Variants in EIF3CL observed in about 807,000 individuals in gnomAD.
The protein encoded by EIF3CL is eukaryotic translation initiation factor 3 subunit C like, also known as eukaryotic translation initiation factor 3 subunit C-like protein.
For missense variants in EIF3CL, 5 were observed against 56.1 expected, an observed-to-expected ratio of 0.09 and a Z score of 2.91; for synonymous variants, 2 against 19.6, an observed-to-expected ratio of 0.10 and a Z score of 2.37.
the EIF3CL span, among the ~76,000 whole-genome samples, chr16:28,419,286 G>A: frequency 6.6e-6 from 1 of 150,850 alleles, no homozygotes; most frequent in African/African-American, 2.5e-5. Flanking sequence ...GATTACAGGT[G>A]TAAGCCAGTG....
chr16:28,417,144 G>T, the EIF3CL span, among the ~76,000 whole-genome samples: 1 of 137,534 alleles, frequency 7.3e-6, no homozygotes, highest in Admixed American at 7.2e-5. Flanking sequence ...AGGGAGGTTG[G>T]GGGGTCAGCC....
At chr16:28,414,343 C>A in the EIF3CL span, 1 of 310,398 alleles carries the variant, frequency 3.2e-6, no homozygotes, top group Non-Finnish European at 6.3e-6. Flanking sequence ...CTGCAGTGAG[C>A]CAAGATCATG....
At chr16:28,408,237 A>G (rs1319230820), upstream of EIF3CL, among the ~76,000 whole-genome samples, 6 of 90,620 alleles carry the variant, frequency 6.6e-5, 1 homozygote, top group Non-Finnish European at 1.2e-4. Flanking sequence ...AAAAAAAAAA[A>G]GGGAAAGAAA....
At chr16:28,411,448 G>T in the EIF3CL span, among the ~76,000 whole-genome samples, 3 of 52,196 alleles carry the variant, frequency 5.7e-5, no homozygotes, top group Non-Finnish European at 1.1e-4. Flanking sequence ...GAGTCTCATT[G>T]TGTCCTCCAT....
the EIF3CL span, among the ~76,000 whole-genome samples, chr16:28,423,828 T>C: frequency 1.9e-5 from 2 of 107,518 alleles, 1 homozygote; most frequent in Non-Finnish European, 4.1e-5. Context: ...TATATATATA[T>C]ATATATTTTT....
the EIF3CL span, among the ~76,000 whole-genome samples, chr16:28,417,302 C>T: frequency 6.7e-6 from 1 of 148,418 alleles, no homozygotes; most frequent in Middle Eastern, 3.4e-3. Context: ...GGCCACCACC[C>T]CGTCTGGGAG....
At chr16:28,386,805 A>C (rs566809714) in intron 15 of EIF3CL, among the ~76,000 whole-genome samples, 6 of 73,656 alleles carry the variant, frequency 8.1e-5, no homozygotes, top group Admixed American at 3.5e-4. Context: ...ACACACACAC[A>C]CCCCCTAAAA....
At chr16:28,417,428 A>G in the EIF3CL span, among the ~76,000 whole-genome samples, 1 of 130,128 alleles carries the variant, frequency 7.7e-6, no homozygotes, top group African/African-American at 2.9e-5. Context: ...GTGTCTGTGT[A>G]GAAAGAAGTA....
the EIF3CL span, among the ~76,000 whole-genome samples, chr16:28,417,251 G>C: frequency 6.7e-6 from 1 of 149,606 alleles, no homozygotes; most frequent in Admixed American, 6.6e-5. Context: ...GGGCGCCTCT[G>C]CCCGGCCGCC....
chr16:28,417,601 A>G, the EIF3CL span, among the ~76,000 whole-genome samples: 2 of 102,696 alleles, frequency 1.9e-5, no homozygotes, highest in Non-Finnish European at 4.2e-5. Context: ...GCTTTGTTAA[A>G]CAGATGCTTG....
intron 10 of EIF3CL, among the ~76,000 whole-genome samples, chr16:28,391,506 CAAA>C (rs1166949198): frequency 0.081 from 35 of 432 alleles, 1 homozygote; most frequent in Admixed American, 0.12. Flanking sequence ...CCATCTCAAA[CAAA>C]AAAAAAAAAA....
At chr16:28,416,759 G>A in the EIF3CL span, among the ~76,000 whole-genome samples, 1 of 115,908 alleles carries the variant, frequency 8.6e-6, no homozygotes, top group Non-Finnish European at 1.9e-5. Context: ...GGAGGTGGGG[G>A]GGGTCAGCCC....
At chr16:28,414,844 G>A in the EIF3CL span, 106 of 503,620 alleles carry the variant, frequency 2.1e-4, 4 homozygotes, top group Non-Finnish European at 3.5e-4. Context: ...CGAAGGACGC[G>A]CAAATGCAGC....
chr16:28,415,859 C>T, the EIF3CL span, among the ~76,000 whole-genome samples: 1 of 111,598 alleles, frequency 9.0e-6, no homozygotes, highest in Non-Finnish European at 1.9e-5. Context: ...TCTCCGTCTC[C>T]GTCTCCATCT....
chr16:28,422,776 G>C, the EIF3CL span, among the ~76,000 whole-genome samples: 1 of 133,392 alleles, frequency 7.5e-6, no homozygotes, highest in African/African-American at 2.8e-5. Context: ...GGCAGAGATT[G>C]CAGTGAGCTG....
the EIF3CL span, among the ~76,000 whole-genome samples, chr16:28,422,734 G>A: frequency 1.4e-5 from 2 of 140,834 alleles, no homozygotes; most frequent in Non-Finnish European, 3.1e-5. Flanking sequence ...CTACTTGGGA[G>A]GCTGAAGCAG....
chr16:28,417,232 G>C, the EIF3CL span, among the ~76,000 whole-genome samples: 7 of 149,430 alleles, frequency 4.7e-5, no homozygotes, highest in African/African-American at 1.8e-4. Flanking sequence ...GCCCCATCCG[G>C]GAAGTGAGGG....
At chr16:28,415,553 C>G in the EIF3CL span, among the ~76,000 whole-genome samples, 12 of 134,404 alleles carry the variant, frequency 8.9e-5, 1 homozygote, top group African/African-American at 3.5e-4. Flanking sequence ...AGTTGAAGAC[C>G]AGCCTGGCCA....
the EIF3CL span, among the ~76,000 whole-genome samples, chr16:28,417,515 AC>A: frequency 2.6e-5 from 3 of 114,904 alleles, no homozygotes; most frequent in South Asian, 5.5e-4. Flanking sequence ...CTGTGACCTT[AC>A]CCCCAACCCT....
Sources: gnomAD v4.1 joint callset for allele counts (sites outside exome capture counted in the v4.1 genomes callset) on GRCh38, gnomAD v4.1.1 for gene constraint, MANE v1.5 for transcripts, NCBI Gene and HGNC (gene_info 2026-07-23, HGNC 2026-07-21) for gene names.